PCDH11X: variants seen among roughly 807,000 people sequenced by gnomAD.
PCDH11X encodes protocadherin-11 X-linked.
Under a neutral mutation model 53.3 loss-of-function variants are expected in PCDH11X, and 18 were observed. That is an observed-to-expected ratio of 0.34 (90% confidence interval 0.23 to 0.50). The LOEUF (loss-of-function observed/expected upper bound fraction) is 0.50. PCDH11X is among the 20% of genes least tolerant of loss of function. PCDH11X has a pLI of 0.98. For missense variants in PCDH11X, 570 were observed against 1,032.4 expected, an observed-to-expected ratio of 0.55 and a Z score of 6.14; for synonymous variants, 279 against 393.3, an observed-to-expected ratio of 0.71 and a Z score of 3.44.
intron 8 of PCDH11X, among the ~76,000 whole-genome samples, chrX:92,367,272 T>A (rs2070496669): frequency 8.9e-6 from 1 of 111,781 alleles, no homozygotes; most frequent in East Asian, 2.8e-4. Context: ...TTTCTTGACC[T>A]TTGTTGGTTT....
chrX:92,358,394 G>T (rs1205505219), intron 8 of PCDH11X, among the ~76,000 whole-genome samples: 1 of 52,905 alleles, frequency 1.9e-5, no homozygotes, highest in African/African-American at 6.6e-5. Context: ...AAAACACAAA[G>T]ATGTTGAATC....
intron 5 of PCDH11X, among the ~76,000 whole-genome samples, chrX:91,875,174 A>T (rs1419528688): frequency 9.0e-6 from 1 of 110,611 alleles, no homozygotes; most frequent in Non-Finnish European, 1.9e-5. Context: ...TAATGCTGCA[A>T]GTAACACTGG....
At chrX:92,329,999 CAAAG>C (rs1468292183) in intron 8 of PCDH11X, among the ~76,000 whole-genome samples, 2 of 110,441 alleles carry the variant, frequency 1.8e-5, no homozygotes, top group Non-Finnish European at 3.8e-5. Flanking sequence ...GTTTGTAACA[CAAAG>C]AAAGGATAAA....
At chrX:92,487,065 T>A (rs1603343762) in intron 10 of PCDH11X, among the ~76,000 whole-genome samples, 1 of 86,618 alleles carries the variant, frequency 1.2e-5, no homozygotes, top group Non-Finnish European at 2.2e-5. Flanking sequence ...TTTTTTTTTT[T>A]TTTTTGAGAC....
At chrX:92,217,668 C>T (rs1320136043) in intron 7 of PCDH11X, among the ~76,000 whole-genome samples, 3 of 103,213 alleles carry the variant, frequency 2.9e-5, no homozygotes, top group Non-Finnish European at 4.0e-5. Context: ...AACAAGGATA[C>T]CCAGGAATTG....
intron 7 of PCDH11X, among the ~76,000 whole-genome samples, chrX:92,221,027 C>A (rs1405639948): frequency 1.3e-5 from 1 of 75,703 alleles, no homozygotes; most frequent in African/African-American, 5.1e-5. Flanking sequence ...GGAAGGGGAA[C>A]ATCACACTCT....
chrX:92,497,358 A>G (rs2073877192), intron 10 of PCDH11X, among the ~76,000 whole-genome samples: 1 of 111,086 alleles, frequency 9.0e-6, no homozygotes, highest in East Asian at 2.8e-4. Flanking sequence ...TTGGTCAATG[A>G]GAGACTCTTT....
intron 10 of PCDH11X, among the ~76,000 whole-genome samples, chrX:92,614,331 A>T (rs762861350): frequency 4.3e-4 from 46 of 107,184 alleles, no homozygotes; most frequent in African/African-American, 1.5e-3. Flanking sequence ...TAACATTATT[A>T]TTTTTTTTTT....
chrX:92,139,513 C>T lies in PCDH11X; in HGVS notation c.3034-61862C>T, dbSNP rs758304491. The stretch of plus-strand genomic sequence containing the variant: ...TCCTGACCTTGTGATCCACCTGCCT[C>T]AGCCTCCCAAAGTGCTGAGATTACA... On this transcript the variant is annotated intron_variant, in intron 6 of 10. Coordinates refer to ENST00000682573, the MANE Select transcript of PCDH11X (RefSeq NM_032968.5). Among the ~76,000 whole-genome samples the T allele has an allele frequency of 3.7e-5, 4 of 109,440 alleles. No homozygotes were observed. The South Asian group carries it at 1.6e-3, about 43-fold the overall frequency.
At chrX:92,353,702 A>T (rs775356613) in intron 8 of PCDH11X, among the ~76,000 whole-genome samples, 15 of 108,157 alleles carry the variant, frequency 1.4e-4, no homozygotes, top group Non-Finnish European at 2.9e-4. Flanking sequence ...TTTTCTTTCC[A>T]TTTCTTTAGC....
chrX:91,808,307 C>T (rs1220648749), intron 1 of PCDH11X, among the ~76,000 whole-genome samples: 8 of 107,365 alleles, frequency 7.5e-5, no homozygotes, highest in Admixed American at 5.0e-4. Context: ...CCAGCCTGGC[C>T]AACACGGTGA....
At chrX:91,821,077 C>A (rs970836270) in intron 4 of PCDH11X, among the ~76,000 whole-genome samples, 1 of 105,033 alleles carries the variant, frequency 9.5e-6, no homozygotes. Flanking sequence ...TTACTGTAGC[C>A]TTGTAGTATA....
At chrX:92,180,526 T>C (rs2065978778) in intron 6 of PCDH11X, among the ~76,000 whole-genome samples, 1 of 111,281 alleles carries the variant, frequency 9.0e-6, no homozygotes, top group Non-Finnish European at 1.9e-5. Context: ...TAAAGTCCGA[T>C]GGCTTTAAAT....
intron 6 of PCDH11X, among the ~76,000 whole-genome samples, chrX:92,057,676 T>C (rs1214543727): frequency 1.9e-5 from 2 of 107,448 alleles, no homozygotes; most frequent in African/African-American, 6.9e-5. Flanking sequence ...ATTCTGAATT[T>C]ACATTCTGTT....
chrX:91,873,337 A>G (rs893084887), intron 5 of PCDH11X, among the ~76,000 whole-genome samples: 2 of 108,838 alleles, frequency 1.8e-5, no homozygotes, highest in Non-Finnish European at 3.8e-5. Flanking sequence ...GCAAGTAGGA[A>G]CTGATGTTTT....
intron 6 of PCDH11X, among the ~76,000 whole-genome samples, chrX:91,960,574 C>G (rs2061774110): frequency 1.8e-5 from 2 of 110,252 alleles, no homozygotes; most frequent in Middle Eastern, 4.6e-3. Context: ...ACAGGCACCC[C>G]CCATCATGCC....
chrX:91,973,764 G>A (rs1022870085), intron 6 of PCDH11X, among the ~76,000 whole-genome samples: 9 of 106,139 alleles, frequency 8.5e-5, no homozygotes, highest in East Asian at 6.0e-4. Flanking sequence ...ATAGGTGCCC[G>A]CCACCATGCC....
At chrX:91,927,572 A>G (rs1941989116) in intron 6 of PCDH11X, among the ~76,000 whole-genome samples, 1 of 111,672 alleles carries the variant, frequency 9.0e-6, no homozygotes, top group Non-Finnish European at 1.9e-5. Context: ...TCAGTTGTAA[A>G]CAATGTAAGT....
rs752045057 is a variant in PCDH11X, at chrX:92,247,488, G to C, written c.3115-15626G>C. On this transcript the variant is annotated intron_variant, in intron 7 of 10. Coordinates refer to ENST00000682573, the MANE Select transcript of PCDH11X (RefSeq NM_032968.5). ...CCATAACACATTGCCACGAAGTTTG[G>C]TGGCTTAAAACAATAGAAAATTATT... Among the ~76,000 whole-genome samples, 208 of 112,050 alleles carry C rather than the reference G, an allele frequency of 1.9e-3. 1 individual carries two copies. Among genetic ancestry groups the C allele is most frequent in the African/African-American group, 6.5e-3 (201 of 30,874 alleles).
Sources: gnomAD v4.1 joint callset for allele counts (sites outside exome capture counted in the v4.1 genomes callset) on GRCh38, gnomAD v4.1.1 for gene constraint, MANE v1.5 for transcripts, NCBI Gene and HGNC (gene_info 2026-07-23, HGNC 2026-07-21) for gene names.